The following RANBP2 variants were observed in gnomAD, a reference collection of about 807,000 sequenced individuals.
RANBP2 encodes E3 SUMO-protein ligase RanBP2.
Under a neutral mutation model 303.6 loss-of-function variants are expected in RANBP2, and 57 were observed. The observed-to-expected ratio is 0.19, with a 90% CI of 0.15 to 0.23. RANBP2 has a LOEUF of 0.23. Ranked by LOEUF, RANBP2 falls within the 10% of genes least tolerant of loss-of-function variation. The pLI, the probability that RANBP2 is intolerant of heterozygous loss-of-function variation, is 1.00. For synonymous variants in RANBP2, 1,167 were observed against 1,301.5 expected, an observed-to-expected ratio of 0.90 and a Z score of 2.23; for missense variants, 3,138 against 3,780.8, an observed-to-expected ratio of 0.83 and a Z score of 4.46.
At chr2:108,957,113 G>A in the RANBP2 span, among the ~76,000 whole-genome samples, 1 of 152,196 alleles carries the variant, frequency 6.6e-6, no homozygotes, top group Non-Finnish European at 1.5e-5. Flanking sequence ...TGTAACTGTG[G>A]GACTTGCAGT....
chr2:109,433,103 G>A, the RANBP2 span, among the ~76,000 whole-genome samples: 19 of 152,256 alleles, frequency 1.2e-4, no homozygotes, highest in African/African-American at 4.1e-4. Context: ...TGCAGTGTGC[G>A]TGCCTGTGCA....
At chr2:109,173,405 A>G in the RANBP2 span, among the ~76,000 whole-genome samples, 1 of 152,116 alleles carries the variant, frequency 6.6e-6, no homozygotes, top group African/African-American at 2.4e-5. Context: ...AAGGCGGGTT[A>G]TCTTGGTTTG....
chr2:108,823,180 G>T, the RANBP2 span, among the ~76,000 whole-genome samples: 1 of 152,098 alleles, frequency 6.6e-6, no homozygotes, highest in African/African-American at 2.4e-5. Flanking sequence ...TGAAAAGCCA[G>T]AGAGCTTCAC....
At chr2:109,563,433 T>A in the RANBP2 span, among the ~76,000 whole-genome samples, 1 of 152,166 alleles carries the variant, frequency 6.6e-6, no homozygotes, top group East Asian at 1.9e-4. Flanking sequence ...AACAATGCAA[T>A]GGAAAAGGAA....
At chr2:108,941,051 TATAAATTTAAACCG>T in the RANBP2 span, among the ~76,000 whole-genome samples, 3 of 152,178 alleles carry the variant, frequency 2.0e-5, no homozygotes, top group Non-Finnish European at 4.4e-5. Context: ...CGGTCATCAC[TATAAATTTAAACCG>T]ATTTTGCCTG....
the RANBP2 span, among the ~76,000 whole-genome samples, chr2:109,602,567 C>T: frequency 7.9e-5 from 12 of 151,226 alleles, no homozygotes; most frequent in East Asian, 1.2e-3. Context: ...CCCAGCTACT[C>T]GGGAGGGTGA....
chr2:109,418,074 G>A, the RANBP2 span, among the ~76,000 whole-genome samples: 1 of 152,012 alleles, frequency 6.6e-6, no homozygotes. Flanking sequence ...GGGGACACAG[G>A]CACCTTCCCC....
chr2:108,919,791 C>T, the RANBP2 span, among the ~76,000 whole-genome samples: 3 of 152,222 alleles, frequency 2.0e-5, no homozygotes, highest in East Asian at 5.8e-4. Context: ...CCTGCCCTCT[C>T]CCCGCACTAC....
the RANBP2 span, among the ~76,000 whole-genome samples, chr2:109,246,069 G>T: frequency 2.6e-5 from 4 of 152,338 alleles, no homozygotes; most frequent in Admixed American, 2.6e-4. Context: ...TTTACACCTA[G>T]GACTGTGATA....
At chr2:109,283,864 GA>G in the RANBP2 span, among the ~76,000 whole-genome samples, 3 of 152,212 alleles carry the variant, frequency 2.0e-5, no homozygotes, top group Non-Finnish European at 4.4e-5. Flanking sequence ...GGATGCTGGG[GA>G]GTGAGTATTC....
At chr2:109,187,443 A>G in the RANBP2 span, among the ~76,000 whole-genome samples, 1 of 152,150 alleles carries the variant, frequency 6.6e-6, no homozygotes, top group African/African-American at 2.4e-5. Flanking sequence ...CATGTACTGC[A>G]TGAAGACGTT....
chr2:109,144,464 G>C, the RANBP2 span, among the ~76,000 whole-genome samples: 1,127 of 152,356 alleles, frequency 7.4e-3, 8 homozygotes, highest in Non-Finnish European at 0.011. Flanking sequence ...CTGGTTTCCT[G>C]TGTGTCTGAA....
the RANBP2 span, among the ~76,000 whole-genome samples, chr2:109,173,595 C>G: frequency 6.6e-6 from 1 of 152,170 alleles, no homozygotes; most frequent in Non-Finnish European, 1.5e-5. Flanking sequence ...ACACAGACCC[C>G]GCAGCCTGCA....
the RANBP2 span, among the ~76,000 whole-genome samples, chr2:108,829,484 G>A: frequency 1.3e-5 from 2 of 152,224 alleles, no homozygotes; most frequent in African/African-American, 4.8e-5. Context: ...GGTGGCCCAT[G>A]CCTGTAATGC....
the RANBP2 span, among the ~76,000 whole-genome samples, chr2:108,968,828 C>T: frequency 6.6e-6 from 1 of 152,144 alleles, no homozygotes; most frequent in Admixed American, 6.5e-5. Flanking sequence ...TCTCCAGGGG[C>T]GTGTACCTGA....
chr2:108,956,784 C>CTTT, the RANBP2 span, among the ~76,000 whole-genome samples: 573 of 123,446 alleles, frequency 4.6e-3, 3 homozygotes, highest in African/African-American at 0.02. Flanking sequence ...CGAAAGCTCT[C>CTTT]TTTTTTTTTT....
At chr2:109,630,771 T>G in the RANBP2 span, among the ~76,000 whole-genome samples, 20 of 152,072 alleles carry the variant, frequency 1.3e-4, no homozygotes, top group Middle Eastern at 6.8e-3. Context: ...GTATAGAAAG[T>G]TTTCAAGATT....
At chr2:109,633,663 C>G in the RANBP2 span, among the ~76,000 whole-genome samples, 1,317 of 152,212 alleles carry the variant, frequency 8.7e-3, 13 homozygotes, top group Non-Finnish European at 0.011. Context: ...CCCAACCTCT[C>G]TCTTCTCTCC....
the RANBP2 span, chr2:108,804,868 G>T: frequency 2.2e-6 from 3 of 1,359,604 alleles, no homozygotes; most frequent in African/African-American, 1.5e-5. Flanking sequence ...TTAGATGAGA[G>T]TTTTTTTTTT....
Sources: allele counts gnomAD v4.1 joint callset (sites outside exome capture counted in the v4.1 genomes callset), GRCh38; gene constraint gnomAD v4.1.1; transcripts MANE v1.5; gene names NCBI Gene and HGNC (gene_info 2026-07-23, HGNC 2026-07-21).